Variants in VPS39 observed in about 807,000 individuals in gnomAD.
The protein encoded by VPS39 is VPS39 subunit of HOPS complex, also known as vam6/Vps39-like protein.
Under a neutral mutation model 121.0 loss-of-function variants are expected in VPS39, and 70 were observed. The ratio of observed to expected loss-of-function variants is 0.58; its 90% CI spans 0.48 to 0.71. The LOEUF is 0.71. VPS39 is among the 30% of genes least tolerant of loss of function. The probability of loss-of-function intolerance (pLI) is 0.00; values close to 1 mark genes in which losing one functional copy is unlikely to be tolerated. For missense variants in VPS39, 818 were observed against 1,051.5 expected (o/e 0.78, Z 3.07); for synonymous variants, 378 against 398.1 (o/e 0.95, Z 0.60).
intron 1 of VPS39, among the ~76,000 whole-genome samples, chr15:42,206,027 G>C (rs2140896842): frequency 6.6e-6 from 1 of 152,282 alleles, no homozygotes; most frequent in East Asian, 1.9e-4. Flanking sequence ...TGAGGGGAGA[G>C]GAATCAAGAA....
At chr15:42,194,935 T>C (rs2049904581) in intron 2 of VPS39, among the ~76,000 whole-genome samples, 1 of 137,012 alleles carries the variant, frequency 7.3e-6, no homozygotes, top group African/African-American at 2.9e-5. Flanking sequence ...GTCAATACAG[T>C]GAAAAAAAAA....
rs116060064 is a variant in VPS39 at position 42,183,481 on chromosome 15, A to G, written c.718+1036T>C. Among the ~76,000 whole-genome samples the G allele has an allele frequency of 6.3e-3, 958 of 152,098 alleles. 14 individuals are homozygous for G. The highest frequency in any genetic ancestry group is 0.022 in the African/African-American group (926 of 41,478). ...CAGACCTTCTCACGGACATCTACCA[A>G]CTGGCCCTATTTCACTGCTCTGTAA... On this transcript the variant is annotated intron_variant, in intron 8 of 24. Coordinates refer to ENST00000318006, the MANE Select transcript of VPS39 (RefSeq NM_015289.5).
intron 19 of VPS39, 25 bp downstream of exon 19, chr15:42,164,333 T>C (rs2049197930): frequency 1.2e-6 from 2 of 1,613,768 alleles, no homozygotes; most frequent in Non-Finnish European, 1.7e-6. Context: ...CTGAAGTGGC[T>C]TCTGGCCCTA....
chr15:42,198,330 C>T (rs1055476575), intron 2 of VPS39, among the ~76,000 whole-genome samples: 6 of 152,072 alleles, frequency 3.9e-5, no homozygotes, highest in South Asian at 2.1e-4. Context: ...TATCACAGAA[C>T]GCAAATATTT....
chr15:42,177,349 C>A (rs749500826), intron 10 of VPS39, among the ~76,000 whole-genome samples: 1 of 152,106 alleles, frequency 6.6e-6, no homozygotes, highest in Non-Finnish European at 1.5e-5. Flanking sequence ...CAGACTCTGA[C>A]ATCAACATTG....
chr15:42,184,221 A>T (rs2049652539), intron 8 of VPS39: 1 of 214,018 alleles, frequency 4.7e-6, no homozygotes, highest in Non-Finnish European at 9.2e-6. Context: ...AAAACTCTTA[A>T]AAAAAGGAGG....
At position 42,160,625 on chromosome 15, in the gene VPS39, C is replaced by A; in HGVS notation, c.*129G>T. 1 of 812,294 alleles carries A rather than the reference C, an allele frequency of 1.2e-6. No homozygotes were observed. The highest frequency in any genetic ancestry group is 1.5e-5 in the South Asian group (1 of 68,188). 50.3% of individuals were successfully genotyped at this position (812,294 alleles called of 1,614,324 possible). On this transcript the variant is annotated 3_prime_UTR_variant, in exon 25 of 25. Transcript: ENST00000318006. ...ATTAATTCAGAGTTGTTCCAGGGCA[C>A]AAGATAGCCAGTAATGTCCAAATGG...
At chr15:42,173,549 G>A (rs906548052) in intron 11 of VPS39, 174 bp downstream of exon 11, 2 of 699,372 alleles carry the variant, frequency 2.9e-6, no homozygotes, top group Non-Finnish European at 4.6e-6. Flanking sequence ...ATAGGATTAG[G>A]AGTATAGATA....
intron 10 of VPS39, among the ~76,000 whole-genome samples, chr15:42,176,744 C>G (rs1196771034): frequency 1.3e-5 from 2 of 152,090 alleles, no homozygotes; most frequent in Non-Finnish European, 2.9e-5. Flanking sequence ...TCACGAGTAG[C>G]CACCATAGGT....
At chr15:42,205,897 G>A (rs1374528578) in intron 1 of VPS39, among the ~76,000 whole-genome samples, 1 of 152,128 alleles carries the variant, frequency 6.6e-6, no homozygotes, top group Non-Finnish European at 1.5e-5. Context: ...TGATAGATGG[G>A]ATACAGTGTA....
At chr15:42,173,880 TTCAC>T in intron 10 of VPS39, 28 bp from the exon 11 acceptor site, 1 of 1,612,548 alleles carries the variant, frequency 6.2e-7, no homozygotes, top group Non-Finnish European at 8.5e-7. Flanking sequence ...TATGTAAGAG[TTCAC>T]TCACTCAACA....
rs1309069022 is a variant in VPS39 at position 42,208,295 on chromosome 15, C to G, written c.-142G>C. On this transcript the variant is annotated 5_prime_UTR_variant, in exon 1 of 25. Transcript: ENST00000318006. ...ACAGGCCCTTCAACAACACAGCCAT[C>G]GTCAACCCCGGACTTCCTGCTAGTT... The G allele has an allele frequency of 1.8e-6, 2 of 1,083,376 alleles. No individual in the cohort carries two copies. Among genetic ancestry groups the G allele is most frequent in the East Asian group, 5.3e-5 (2 of 37,616 alleles). The allele number at this position is 1,083,376 out of a possible 1,614,324, so 67.1% of individuals were successfully genotyped here. A position where few individuals can be genotyped will look rare whatever the true frequency, so the allele number is the denominator to read the frequency against.
At chr15:42,203,157 C>T (rs1411671218) in intron 1 of VPS39, among the ~76,000 whole-genome samples, 1 of 151,952 alleles carries the variant, frequency 6.6e-6, no homozygotes, top group Admixed American at 6.6e-5. Context: ...ATGGTGAAAC[C>T]CCGTCTCTAC....
At position 42,166,764 on chromosome 15, in the gene VPS39, T is replaced by A; in HGVS notation, c.1519+8A>T. The A allele has an allele frequency of 6.2e-7, 1 of 1,614,008 alleles. No individual in the cohort carries two copies. The highest frequency in any genetic ancestry group is 8.5e-7 in the Non-Finnish European group (1 of 1,179,874). On this transcript the variant is annotated splice_region_variant and intron_variant, in intron 14 of 24. Transcript: ENST00000318006. The stretch of plus-strand genomic sequence containing the variant: ...GCCCCTCCCAGATCCAAGGAACCAC[T>A]CCCACACCTTTCTCGTGGAGCCCCT...
intron 21 of VPS39, among the ~76,000 whole-genome samples, chr15:42,162,958 C>T (rs1459638693): frequency 6.6e-6 from 1 of 152,180 alleles, no homozygotes; most frequent in Admixed American, 6.5e-5. Context: ...CTGGCCTCTA[C>T]CCCCTGGATT....
intron 11 of VPS39, among the ~76,000 whole-genome samples, chr15:42,173,023 A>C (rs1370566556): frequency 6.6e-6 from 1 of 152,148 alleles, no homozygotes; most frequent in Admixed American, 6.5e-5. Context: ...AAGTATATAT[A>C]GATAGATTGA....
Position 42,166,226 on chromosome 15 carries a change from T to G in VPS39, c.1613A>C (p.Glu538Ala). Residue 538 changes from glutamate to alanine, a missense_variant, in exon 16 of 25, where the codon GAA becomes GCA. Transcript: ENST00000318006. ...GTAGGAGAAAATCAAATGCAGGTTT[T>G]CTGTGCCTAGAAGGAAAAGCAGGAC... The part of the protein sequence containing the change: ...TVQYLQHLGT[E>A]NLHLIFSYSV... 3 of 1,614,224 alleles carry G rather than the reference T, an allele frequency of 1.9e-6. No homozygotes were observed. Among genetic ancestry groups the G allele is most frequent in the Non-Finnish European group, 2.5e-6 (3 of 1,180,040 alleles).
At position 42,199,984 on chromosome 15, in the gene VPS39, A is replaced by AAC. The variant is rs199656171; in HGVS notation, c.74-24_74-23insGT. ...CCTCTGGAAAAACAAAACAAAACAAAAACAAAAACAAAAAAAAACCAGCTT... is the reference window on the plus strand; with the variant it reads ...CCTCTGGAAAAACAAAACAAAACAAAACAACAAAAACAAAAAAAAACCAGCTT... On this transcript the variant is annotated intron_variant, in intron 1 of 24. Transcript: ENST00000318006. 6.4e-4 allele frequency: 988 copies of AAC among 1,553,110 alleles called. 7 individuals carry two copies. The African/African-American group carries it at 8.0e-3, about 13-fold the overall frequency.
At chr15:42,193,670 C>G (rs902873456) in intron 2 of VPS39, among the ~76,000 whole-genome samples, 1 of 152,066 alleles carries the variant, frequency 6.6e-6, no homozygotes, top group African/African-American at 2.4e-5. Context: ...AAAAATGACA[C>G]TCATTATTAT....
Sources: allele counts gnomAD v4.1 joint callset (sites outside exome capture counted in the v4.1 genomes callset), GRCh38; gene constraint gnomAD v4.1.1; transcripts MANE v1.5; gene names NCBI Gene and HGNC (gene_info 2026-07-23, HGNC 2026-07-21).